Variants in FARP1 observed in about 807,000 individuals in gnomAD.
The protein encoded by FARP1 is FERM, ARHGEF and pleckstrin domain-containing protein 1.
FARP1 carries 52 observed loss-of-function variants against 128.8 expected under a neutral mutation model. That is an observed-to-expected ratio of 0.40 (90% CI 0.32 to 0.51). The LOEUF (loss-of-function observed/expected upper bound fraction) is 0.51. FARP1 is among the 20% of genes least tolerant of loss of function. FARP1 has a pLI of 0.45. For synonymous variants in FARP1, 580 were observed against 551.8 expected, an observed-to-expected ratio of 1.05 and a Z score of -0.72; for missense variants, 1,333 against 1,367.9, an observed-to-expected ratio of 0.97 and a Z score of 0.40.
chr13:98,338,160 A>C (rs943292555), intron 2 of FARP1, among the ~76,000 whole-genome samples: 10 of 152,222 alleles, frequency 6.6e-5, no homozygotes, highest in Admixed American at 6.5e-4. Context: ...CCGTTTTTAC[A>C]TGTGTAGTTC....
At chr13:98,404,707 G>A (rs1594497072) in intron 13 of FARP1, 1 of 152,180 alleles carries the variant, frequency 6.6e-6, no homozygotes. Flanking sequence ...TGGTAGATAA[G>A]TGGCACCCAG....
At chr13:98,144,471 G>A (rs583214) in intron 1 of FARP1, among the ~76,000 whole-genome samples, 40,548 of 152,064 alleles carry the variant, frequency 0.27, 6,505 homozygotes, top group Non-Finnish European at 0.35. Context: ...GAGTACCGGT[G>A]GCCTCTGGCC....
At chr13:98,269,453 G>A (rs1325365416) in intron 2 of FARP1, among the ~76,000 whole-genome samples, 1 of 152,188 alleles carries the variant, frequency 6.6e-6, no homozygotes, top group Non-Finnish European at 1.5e-5. Context: ...AGTTACTAGT[G>A]CTTACATTCG....
intron 1 of FARP1, among the ~76,000 whole-genome samples, chr13:98,178,222 G>A (rs1327940005): frequency 1.6e-5 from 2 of 127,414 alleles, no homozygotes; most frequent in Admixed American, 9.6e-5. Context: ...TTGAGAAAGA[G>A]TCTCGCTCTG....
At chr13:98,282,180 T>C (rs2139628773) in intron 2 of FARP1, among the ~76,000 whole-genome samples, 1 of 152,220 alleles carries the variant, frequency 6.6e-6, no homozygotes, top group East Asian at 1.9e-4. Context: ...GGTGTGTGCC[T>C]GTGGTTCCAG....
chr13:98,253,912 T>C (rs1883469326), intron 2 of FARP1, among the ~76,000 whole-genome samples: 1 of 152,230 alleles, frequency 6.6e-6, no homozygotes, highest in Admixed American at 6.5e-5. Context: ...ACAGTTTTCA[T>C]GCATGCTTTC....
intron 2 of FARP1, among the ~76,000 whole-genome samples, chr13:98,240,703 A>C (rs1882717452): frequency 6.6e-6 from 1 of 152,346 alleles, no homozygotes; most frequent in Admixed American, 6.5e-5. Context: ...GAGGATGAGA[A>C]TTTCAGTGAT....
intron 1 of FARP1, among the ~76,000 whole-genome samples, chr13:98,164,771 G>T (rs1294710250): frequency 6.6e-6 from 1 of 152,090 alleles, no homozygotes; most frequent in Non-Finnish European, 1.5e-5. Flanking sequence ...AGGTTGAGAG[G>T]TTTGTCAGTT....
intron 2 of FARP1, among the ~76,000 whole-genome samples, chr13:98,247,387 T>C (rs1455332983): frequency 6.6e-6 from 1 of 152,210 alleles, no homozygotes; most frequent in Non-Finnish European, 1.5e-5. Flanking sequence ...CATAGAGTTC[T>C]TTAACTGCCC....
intron 1 of FARP1, among the ~76,000 whole-genome samples, chr13:98,157,610 G>A (rs1400229073): frequency 6.6e-6 from 1 of 152,188 alleles, no homozygotes; most frequent in Non-Finnish European, 1.5e-5. Flanking sequence ...CCTAGGCTGA[G>A]TTCTAACAGC....
chr13:98,435,616 C>T lies in FARP1; in HGVS notation c.2184C>T (p.His728=), dbSNP rs144530717. ...AEITEMVAQL[H]GTMIKMENFQ... ...TCACGGAGATGGTGGCACAGCTCCA[C>T]GGTACGATGATCAAGATGGAGAATT... The change falls in exon 19 of 27, where the codon CAC becomes CAT. Residue 728 remains histidine (H), a synonymous_variant. Transcript: ENST00000319562. The T allele has an allele frequency of 1.4e-3, 2,236 of 1,613,630 alleles. 3 individuals are homozygous for T. The highest frequency in any genetic ancestry group is 1.7e-3 in the Non-Finnish European group (1,949 of 1,179,690).
At chr13:98,167,945 G>C (rs1367108439) in intron 1 of FARP1, among the ~76,000 whole-genome samples, 1 of 151,176 alleles carries the variant, frequency 6.6e-6, no homozygotes, top group South Asian at 2.1e-4. Flanking sequence ...GGCCGAGGTG[G>C]GTGGATCACG....
chr13:98,430,233 T>C (rs1382588906), intron 17 of FARP1, among the ~76,000 whole-genome samples: 1 of 151,992 alleles, frequency 6.6e-6, no homozygotes, highest in Non-Finnish European at 1.5e-5. Context: ...GCCTGGGCAA[T>C]AGAGCGAGAC....
intron 1 of FARP1, among the ~76,000 whole-genome samples, chr13:98,206,654 G>A (rs1594268594): frequency 6.6e-6 from 1 of 152,188 alleles, no homozygotes; most frequent in Admixed American, 6.5e-5. Context: ...GCTTTTGGAT[G>A]AATTGCAAGA....
intron 16 of FARP1, among the ~76,000 whole-genome samples, chr13:98,412,881 G>A (rs1004901191): frequency 6.6e-6 from 1 of 152,174 alleles, no homozygotes; most frequent in Non-Finnish European, 1.5e-5. Context: ...GGAGAAAATA[G>A]CAAAAAGTTT....
chr13:98,395,316 CGCCGGGGA>C lies in FARP1; in HGVS notation c.1262_1269del (p.Glu421ValfsTer14), dbSNP rs1555343379. The C allele has an allele frequency of 1.2e-6, 2 of 1,610,262 alleles. No homozygotes were observed. Among genetic ancestry groups the C allele is most frequent in the Non-Finnish European group, 8.5e-7 (1 of 1,177,684 alleles). Reference sequence around the variant, plus strand: ...GGCGAGGAAAGGAACCGAAGGTTTCCGCCGGGGAGCCGGGGTCGCACCCGAGCCCTGCG... The same window carrying C: ...GGCGAGGAAAGGAACCGAAGGTTTCCGCCGGGGTCGCACCCGAGCCCTGCG... On this transcript the variant is annotated frameshift_variant, in exon 13 of 27. Coordinates refer to ENST00000319562, the MANE Select transcript of FARP1 (RefSeq NM_005766.4). LOFTEE classifies it high-confidence loss of function.
chr13:98,278,820 GTTAT>G (rs370815386), intron 2 of FARP1, among the ~76,000 whole-genome samples: 1 of 151,348 alleles, frequency 6.6e-6, no homozygotes. Flanking sequence ...TCATTTTAAT[GTTAT>G]TTATTTATTT....
chr13:98,255,274 C>T (rs973580736), intron 2 of FARP1, among the ~76,000 whole-genome samples: 3 of 151,870 alleles, frequency 2.0e-5, no homozygotes, highest in Non-Finnish European at 4.4e-5. Context: ...TGGAGGCGGG[C>T]GGATCACAAG....
intron 2 of FARP1, among the ~76,000 whole-genome samples, chr13:98,257,491 G>T (rs1249112187): frequency 6.6e-6 from 1 of 152,154 alleles, no homozygotes; most frequent in Non-Finnish European, 1.5e-5. Context: ...AGAACCCTGA[G>T]GCTGGGTGCA....
Sources: gnomAD v4.1 joint callset for allele counts (sites outside exome capture counted in the v4.1 genomes callset) on GRCh38, gnomAD v4.1.1 for gene constraint, MANE v1.5 for transcripts, NCBI Gene and HGNC (gene_info 2026-07-23, HGNC 2026-07-21) for gene names.